Variants in NAA40 observed in about 807,000 individuals in gnomAD.
NAA40 encodes N-alpha-acetyltransferase 40, NatD catalytic subunit, also known as N-alpha-acetyltransferase 40.
In NAA40, 26 loss-of-function variants were observed where a neutral mutation model predicts 36.6. That is an observed-to-expected ratio of 0.71 (90% CI 0.52 to 0.98). NAA40 has a LOEUF of 0.98. NAA40 is among the 50% of genes least tolerant of loss of function. NAA40 has a pLI of 0.00. For synonymous variants in NAA40, 129 were observed against 108.4 expected (o/e 1.19, Z -1.18); for missense variants, 237 against 306.5 (o/e 0.77, Z 1.69).
chr11:63,945,990 A>C, intron 2 of NAA40, 55 bp downstream of exon 2: 1 of 1,523,768 alleles, frequency 6.6e-7, no homozygotes, highest in Non-Finnish European at 9.1e-7. Context: ...CTTGGTTTAT[A>C]ATTTGACTTA....
rs1942198771 is a variant in NAA40, at chr11:63,947,003, G to A, written c.155G>A (p.Gly52Glu). The change falls in exon 3 of 8, where the codon GGG becomes GAG. Residue 52 changes from glycine (G) to glutamate (E), a missense_variant and splice_region_variant. Physicochemically the swap from Gly to Glu is moderately conservative, Grantham distance 98. Coordinates refer to ENST00000377793, the MANE Select transcript of NAA40 (RefSeq NM_024771.4). Reference protein sequence around the residue: ...FPVFKKYDRNGLNVSIECKRV... With the variant: ...FPVFKKYDRNELNVSIECKRV... ...GTGTTCAAGAAATATGATAGAAACG[G>A]GTGAGTCACATTGAGCATTACCAAC... is the stretch of plus-strand genomic sequence containing the variant. The A allele has an allele frequency of 1.9e-6, 3 of 1,613,890 alleles. No individual in the cohort carries two copies. Among genetic ancestry groups the A allele is most frequent in the Non-Finnish European group, 8.5e-7 (1 of 1,179,812 alleles).
chr11:63,951,927 G>C (rs2134278834), intron 3 of NAA40, among the ~76,000 whole-genome samples: 1 of 152,272 alleles, frequency 6.6e-6, no homozygotes, highest in Middle Eastern at 3.4e-3. Context: ...AGAAAAGGTA[G>C]AAAAAGAATA....
chr11:63,950,122 G>GGT (rs1942254769), intron 3 of NAA40, among the ~76,000 whole-genome samples: 1 of 129,278 alleles, frequency 7.7e-6, no homozygotes, highest in African/African-American at 2.9e-5. Flanking sequence ...GGTTTTTTTT[G>GGT]TTTTTTTTTT....
chr11:63,953,914 G>T, intron 6 of NAA40, 58 bp from the exon 7 acceptor site: 2 of 1,484,762 alleles, frequency 1.3e-6, no homozygotes, highest in Non-Finnish European at 9.4e-7. Context: ...ACAGGTGCAT[G>T]CCACCATGCC....
At chr11:63,949,660 C>T (rs1250858704) in intron 3 of NAA40, among the ~76,000 whole-genome samples, 1 of 151,660 alleles carries the variant, frequency 6.6e-6, no homozygotes, top group Non-Finnish European at 1.5e-5. Context: ...TTCTTAATAA[C>T]TCTACTTGGA....
At chr11:63,942,526 C>A (rs998120606) in intron 1 of NAA40, among the ~76,000 whole-genome samples, 1 of 152,200 alleles carries the variant, frequency 6.6e-6, no homozygotes, top group Admixed American at 6.5e-5. Context: ...AAATCCAGGT[C>A]TTTTGATTCA....
intron 5 of NAA40, 46 bp downstream of exon 5, chr11:63,952,611 A>G (rs1942298172): frequency 6.2e-7 from 1 of 1,609,102 alleles, no homozygotes; most frequent in African/African-American, 1.3e-5. Flanking sequence ...GACCCTGGCG[A>G]TGTTCCAGGC....
rs922536364 is a variant in NAA40 at position 63,955,120 on chromosome 11, C to T, written c.*641C>T. On this transcript the variant is annotated 3_prime_UTR_variant, in exon 8 of 8. Coordinates refer to ENST00000377793, the MANE Select transcript of NAA40 (RefSeq NM_024771.4). ...CAGCTGACTCTGGGAGGAAGACTGCCTCTCCATCGCTGTCAGAGAGCCTGA... is the reference window on the plus strand; with the variant it reads ...CAGCTGACTCTGGGAGGAAGACTGCTTCTCCATCGCTGTCAGAGAGCCTGA... 2 of 152,562 alleles carry T rather than the reference C, an allele frequency of 1.3e-5. No homozygotes were observed. The highest frequency in any genetic ancestry group is 4.8e-5 in the African/African-American group (2 of 41,414). 9.5% of individuals were successfully genotyped at this position (152,562 alleles called of 1,614,324 possible).
At chr11:63,941,317 A>T (rs2134265222) in intron 1 of NAA40, among the ~76,000 whole-genome samples, 1 of 152,344 alleles carries the variant, frequency 6.6e-6, no homozygotes, top group East Asian at 1.9e-4. Context: ...CCTCAGGCTG[A>T]GTGAGGCTTC....
intron 1 of NAA40, among the ~76,000 whole-genome samples, chr11:63,942,706 T>C (rs1942127631): frequency 6.6e-6 from 1 of 152,234 alleles, no homozygotes; most frequent in Non-Finnish European, 1.5e-5. Flanking sequence ...ATTGGAACAG[T>C]AGGAGACCAC....
At chr11:63,950,125 T>G (rs1349521114) in intron 3 of NAA40, among the ~76,000 whole-genome samples, 1 of 148,454 alleles carries the variant, frequency 6.7e-6, no homozygotes, top group Admixed American at 6.7e-5. Context: ...TTTTTTTGTT[T>G]TTTTTTTTTT....
In NAA40 at chr11:63,952,694, C is replaced by T. The variant is rs551413657; in HGVS notation, c.411-62C>T. On this transcript the variant is annotated intron_variant, in intron 5 of 7. Coordinates refer to ENST00000377793, the MANE Select transcript of NAA40 (RefSeq NM_024771.4). ...TGCCAAGGACTGCAAGCTCCTCTGC[C>T]AGACCTTACAGCCTCTTCATGTCCC... 2.7e-5 allele frequency: 43 copies of T among 1,602,880 alleles called. No homozygotes were observed. In the South Asian group the frequency reaches 4.0e-4, roughly 15 times the overall value.
chr11:63,942,849 C>G (rs1221964775), intron 1 of NAA40, among the ~76,000 whole-genome samples: 1 of 152,206 alleles, frequency 6.6e-6, no homozygotes, highest in Non-Finnish European at 1.5e-5. Flanking sequence ...AGCTCCAGGC[C>G]TTGCTCTGAG....
At chr11:63,950,259 C>T (rs1267787633) in intron 3 of NAA40, among the ~76,000 whole-genome samples, 1 of 151,656 alleles carries the variant, frequency 6.6e-6, no homozygotes, top group Admixed American at 6.6e-5. Context: ...GCTGGGACTG[C>T]AAGTACATGA....
chr11:63,941,266 G>A (rs1386567138), intron 1 of NAA40, among the ~76,000 whole-genome samples: 1 of 152,208 alleles, frequency 6.6e-6, no homozygotes, highest in Non-Finnish European at 1.5e-5. Flanking sequence ...GGGTGCTGGG[G>A]AAGTCATCAT....
At chr11:63,950,108 A>G (rs936316990) in intron 3 of NAA40, among the ~76,000 whole-genome samples, 8 of 136,042 alleles carry the variant, frequency 5.9e-5, no homozygotes, top group African/African-American at 1.7e-4. Context: ...AGCAGCTGGT[A>G]TGAGGTTTTT....
Position 63,952,847 on chromosome 11 carries a change from C to T in NAA40, c.494+8C>T, listed in dbSNP as rs1226736750. On this transcript the variant is annotated splice_region_variant and intron_variant, in intron 6 of 7. Transcript: ENST00000377793. The stretch of plus-strand genomic sequence containing the variant: ...GCAGCTCATGGCCAACAGGTAAGGC[C>T]TCCCTTCTTAGGAGGCCCATATAGC... The T allele has an allele frequency of 1.2e-6, 2 of 1,613,372 alleles. No individual in the cohort carries two copies. The highest frequency in any genetic ancestry group is 1.7e-5 in the Admixed American group (1 of 59,990).
At chr11:63,940,787 C>T (rs1019230230) in intron 1 of NAA40, among the ~76,000 whole-genome samples, 32 of 152,026 alleles carry the variant, frequency 2.1e-4, no homozygotes, top group Admixed American at 1.3e-4. Context: ...AAACAGTCAT[C>T]GTGTTTTAAC....
chr11:63,939,648 T>A (rs935619055), intron 1 of NAA40: 4 of 203,234 alleles, frequency 2.0e-5, no homozygotes, highest in Non-Finnish European at 3.5e-5. Flanking sequence ...TTTCGAAACC[T>A]CTCCACCAGG....
Sources: allele counts gnomAD v4.1 joint callset (sites outside exome capture counted in the v4.1 genomes callset), GRCh38; gene constraint gnomAD v4.1.1; transcripts MANE v1.5; gene names NCBI Gene and HGNC (gene_info 2026-07-23, HGNC 2026-07-21).